Variants in CASK observed in about 807,000 individuals in gnomAD.
CASK encodes the protein calcium/calmodulin dependent serine protein kinase.
CASK carries 4 observed loss-of-function variants against 82.9 expected under a neutral mutation model. The ratio of observed to expected loss-of-function variants is 0.05; its 90% CI spans 0.02 to 0.11. The LOEUF is 0.11. Among genes scored for constraint, CASK ranks in the 10% least tolerant of loss-of-function variants. The pLI is 1.00. For synonymous variants in CASK, 259 were observed against 253.5 expected (o/e 1.02, Z -0.20); for missense variants, 358 against 720.9 (o/e 0.50, Z 5.76).
At chrX:41,849,603 T>C (rs1197677409) in intron 2 of CASK, among the ~76,000 whole-genome samples, 1 of 111,878 alleles carries the variant, frequency 8.9e-6, no homozygotes, top group Non-Finnish European at 1.9e-5. Context: ...AGGAATCTAA[T>C]AAGAGCTATG....
chrX:41,810,252 C>T (rs748758845), intron 2 of CASK, among the ~76,000 whole-genome samples: 10 of 111,696 alleles, frequency 9.0e-5, no homozygotes, highest in Non-Finnish European at 1.9e-4. Context: ...CACAAAGATA[C>T]TCCTCGCGAA....
At chrX:41,651,338 A>C (rs967494320) in intron 8 of CASK, among the ~76,000 whole-genome samples, 2 of 112,164 alleles carry the variant, frequency 1.8e-5, no homozygotes, top group African/African-American at 6.5e-5. Context: ...TTACCTCTAA[A>C]GTGTTCATTA....
intron 8 of CASK, among the ~76,000 whole-genome samples, chrX:41,644,826 C>G (rs763894280): frequency 1.5e-4 from 17 of 111,809 alleles, no homozygotes; most frequent in Non-Finnish European, 2.3e-4. Context: ...AAGATAGACT[C>G]TAGTCTCCTA....
intron 5 of CASK, among the ~76,000 whole-genome samples, chrX:41,721,690 G>A (rs904558474): frequency 1.4e-4 from 16 of 111,830 alleles, no homozygotes; most frequent in Non-Finnish European, 1.9e-5. Context: ...ATTCCTCTAG[G>A]CAAGCTATTT....
At chrX:41,809,993 C>T (rs1477261399) in intron 2 of CASK, among the ~76,000 whole-genome samples, 1 of 111,878 alleles carries the variant, frequency 8.9e-6, no homozygotes, top group Non-Finnish European at 1.9e-5. Flanking sequence ...GTATCAGTGA[C>T]TGAAGATCAA....
intron 20 of CASK, 131 bp from the exon 21 acceptor site, chrX:41,554,046 T>C (rs1444931713): frequency 9.6e-6 from 5 of 518,462 alleles, no homozygotes; most frequent in Non-Finnish European, 1.4e-5. Flanking sequence ...AAACGATGCA[T>C]GGAAATACGA....
At chrX:41,860,281 G>C (rs1268333129) in intron 1 of CASK, among the ~76,000 whole-genome samples, 1 of 110,879 alleles carries the variant, frequency 9.0e-6, no homozygotes, top group Non-Finnish European at 1.9e-5. Context: ...TTTTTATACA[G>C]TTCTGACGTT....
intron 1 of CASK, among the ~76,000 whole-genome samples, chrX:41,872,607 C>T (rs190778735): frequency 7.9e-4 from 89 of 112,020 alleles, no homozygotes; most frequent in Non-Finnish European, 1.4e-3. Context: ...CAGAGACTTC[C>T]ATATACCCTG....
chrX:41,739,614 G>C (rs1275020071), intron 4 of CASK, among the ~76,000 whole-genome samples, 158 bp from the exon 5 acceptor site: 1 of 112,302 alleles, frequency 8.9e-6, no homozygotes, highest in African/African-American at 3.2e-5. Flanking sequence ...GCTTAATAAT[G>C]AAAATGTTGG....
At chrX:41,787,368 G>A (rs1313003712) in intron 2 of CASK, 85 bp from the exon 3 acceptor site, 3 of 589,510 alleles carry the variant, frequency 5.1e-6, no homozygotes, top group African/African-American at 2.2e-5. Context: ...TGTGATCTAT[G>A]GTAACATGGA....
At chrX:41,814,023 C>T (rs1421219465) in intron 2 of CASK, among the ~76,000 whole-genome samples, 2 of 112,085 alleles carry the variant, frequency 1.8e-5, no homozygotes, top group Non-Finnish European at 3.8e-5. Flanking sequence ...CAGAGAAATG[C>T]AAATCAAAAC....
rs767191140 is a variant in CASK at position 41,807,799 on chromosome X, A to C, written c.173-20516T>G. ...TAGCCCACTCTCGCGATAACAACAT[A>C]AATCCATTCATGACGGAGGATTCCT... On this transcript the variant is annotated intron_variant, in intron 2 of 26. Transcript: ENST00000378163. Among the ~76,000 whole-genome samples the C allele has an allele frequency of 3.6e-5, 4 of 111,632 alleles. No homozygotes were observed. The East Asian group carries it at 1.1e-3, about 31-fold the overall frequency.
At chrX:41,567,118 C>G (rs1297836307) in intron 16 of CASK, among the ~76,000 whole-genome samples, 1 of 112,033 alleles carries the variant, frequency 8.9e-6, no homozygotes, top group Non-Finnish European at 1.9e-5. Context: ...AATGTTAGAC[C>G]TAAAACCATA....
chrX:41,773,774 C>A (rs1478051415), intron 3 of CASK, among the ~76,000 whole-genome samples: 2 of 110,874 alleles, frequency 1.8e-5, no homozygotes, highest in East Asian at 5.7e-4. Flanking sequence ...AGGGTACAAT[C>A]AAAATATAGC....
intron 3 of CASK, among the ~76,000 whole-genome samples, chrX:41,755,463 C>T (rs947269037): frequency 8.9e-6 from 1 of 111,767 alleles, no homozygotes; most frequent in East Asian, 2.8e-4. Flanking sequence ...TAATTGTGTA[C>T]ACTGATAGAT....
At chrX:41,907,747 G>C (rs1056130141) in intron 1 of CASK, among the ~76,000 whole-genome samples, 2 of 111,370 alleles carry the variant, frequency 1.8e-5, no homozygotes, top group African/African-American at 6.5e-5. Flanking sequence ...CAATGGCTTA[G>C]AACAGTGGTA....
At chrX:41,728,195 T>A (rs2068303635) in intron 5 of CASK, 1 of 358,718 alleles carries the variant, frequency 2.8e-6, no homozygotes, top group Non-Finnish European at 4.9e-6. Flanking sequence ...TTCATAAAAC[T>A]CAAAAAACAG....
intron 1 of CASK, among the ~76,000 whole-genome samples, chrX:41,876,001 T>C (rs1486034664): frequency 5.4e-5 from 6 of 111,431 alleles, no homozygotes; most frequent in Non-Finnish European, 9.4e-5. Context: ...TAAATCCAAG[T>C]AGTCAAAAGC....
At chrX:41,913,365 AAAT>A (rs750516993) in intron 1 of CASK, among the ~76,000 whole-genome samples, 27 of 112,159 alleles carry the variant, frequency 2.4e-4, no homozygotes, top group Admixed American at 1.3e-3. Flanking sequence ...AAAATTTAAA[AAAT>A]AATAATAATG....
Sources: allele counts gnomAD v4.1 joint callset (sites outside exome capture counted in the v4.1 genomes callset), GRCh38; gene constraint gnomAD v4.1.1; transcripts MANE v1.5; gene names NCBI Gene and HGNC (gene_info 2026-07-23, HGNC 2026-07-21).